The following ERC2 variants were observed in gnomAD, a reference collection of about 807,000 sequenced individuals.
ERC2 encodes the protein ERC protein 2.
ERC2 carries 42 observed loss-of-function variants against 114.8 expected under a neutral mutation model. The observed-to-expected ratio is 0.37, with a 90% confidence interval of 0.29 to 0.47. The LOEUF (loss-of-function observed/expected upper bound fraction) is 0.47, where lower values mean the gene tolerates loss of function less well. Among genes scored for constraint, ERC2 ranks in the 20% least tolerant of loss-of-function variants. The pLI is 0.99. For synonymous variants in ERC2, 454 were observed against 425.5 expected (o/e 1.07, Z -0.82); for missense variants, 939 against 1,150.7 (o/e 0.82, Z 2.66).
intron 10 of ERC2, among the ~76,000 whole-genome samples, chr3:56,006,686 A>C (rs1285662288): frequency 6.6e-6 from 1 of 152,112 alleles, no homozygotes; most frequent in African/African-American, 2.4e-5. Flanking sequence ...ATTTTGATCA[A>C]ATATAAATAG....
chr3:55,780,330 A>C (rs1239157629), intron 14 of ERC2, among the ~76,000 whole-genome samples: 2 of 152,206 alleles, frequency 1.3e-5, no homozygotes, highest in African/African-American at 4.8e-5. Flanking sequence ...GAGTCAACTA[A>C]AAAACTACTT....
rs377614547 is a variant in ERC2 at position 55,699,339 on chromosome 3, G to T, written c.2847+39C>A. 6 of 1,611,556 alleles carry T rather than the reference G, an allele frequency of 3.7e-6. No individual in the cohort carries two copies. The African/African-American group carries it at 5.3e-5, about 14-fold the overall frequency. On this transcript the variant is annotated intron_variant, in intron 16 of 17. Coordinates refer to ENST00000288221, the MANE Select transcript of ERC2 (RefSeq NM_015576.3). Reference sequence around the variant, plus strand: ...TATTTTATCTTAAAATATCTAAAGGGTAAAAGGGGTCTTGGAGGTAAGCAG... The same window carrying T: ...TATTTTATCTTAAAATATCTAAAGGTTAAAAGGGGTCTTGGAGGTAAGCAG...
intron 14 of ERC2, among the ~76,000 whole-genome samples, chr3:55,870,995 A>T (rs2149282286): frequency 6.6e-6 from 1 of 152,290 alleles, no homozygotes; most frequent in East Asian, 1.9e-4. Flanking sequence ...TCCTCTCTAG[A>T]GCAAACAGAT....
intron 3 of ERC2, among the ~76,000 whole-genome samples, chr3:56,263,736 A>G (rs4974129): frequency 0.68 from 103,105 of 152,036 alleles, 36,190 homozygotes; most frequent in Non-Finnish European, 0.76. Context: ...AAACATTAAA[A>G]AAAGAATTAA....
chr3:55,713,264 G>A (rs1466860968), intron 15 of ERC2, among the ~76,000 whole-genome samples: 2 of 151,892 alleles, frequency 1.3e-5, no homozygotes, highest in Non-Finnish European at 2.9e-5. Flanking sequence ...AGGCTGGAGT[G>A]CAATGGGGCA....
intron 2 of ERC2, among the ~76,000 whole-genome samples, chr3:56,347,576 T>C (rs574365880): frequency 7.1e-4 from 108 of 152,162 alleles, no homozygotes; most frequent in Non-Finnish European, 1.1e-3. Flanking sequence ...ACCAGCCTCA[T>C]TGTGTTGCCT....
At chr3:55,958,228 A>G (rs1013680532) in intron 12 of ERC2, among the ~76,000 whole-genome samples, 3 of 152,084 alleles carry the variant, frequency 2.0e-5, no homozygotes, top group Admixed American at 2.0e-4. Context: ...GGTAGCTCCT[A>G]TCCACAGGCA....
At chr3:56,122,729 T>C (rs1041486670) in intron 6 of ERC2, among the ~76,000 whole-genome samples, 1 of 152,112 alleles carries the variant, frequency 6.6e-6, no homozygotes, top group African/African-American at 2.4e-5. Flanking sequence ...CTTTCTAATT[T>C]ACCAGAGCAA....
chr3:55,859,104 T>C (rs959783590), intron 14 of ERC2, among the ~76,000 whole-genome samples: 3 of 152,086 alleles, frequency 2.0e-5, no homozygotes, highest in African/African-American at 7.2e-5. Flanking sequence ...CCCTCTCCAA[T>C]AGCGTCCAGC....
At chr3:55,963,613 T>C (rs2068543164) in intron 12 of ERC2, among the ~76,000 whole-genome samples, 1 of 152,182 alleles carries the variant, frequency 6.6e-6, no homozygotes, top group Admixed American at 6.5e-5. Flanking sequence ...ATTAAAAAAA[T>C]GGAATCTGAA....
intron 8 of ERC2, among the ~76,000 whole-genome samples, chr3:56,012,957 C>T (rs1055438762): frequency 2.6e-5 from 4 of 152,310 alleles, no homozygotes; most frequent in Non-Finnish European, 5.9e-5. Flanking sequence ...TCTATTTGTG[C>T]TTTATCACAG....
At chr3:55,671,596 C>T (rs1380120616) in intron 17 of ERC2, among the ~76,000 whole-genome samples, 5 of 152,166 alleles carry the variant, frequency 3.3e-5, no homozygotes, top group Non-Finnish European at 5.9e-5. Context: ...GCCCATTAAG[C>T]TCCACATAAG....
chr3:56,326,150 G>C (rs796725463), intron 2 of ERC2, among the ~76,000 whole-genome samples: 3 of 152,322 alleles, frequency 2.0e-5, no homozygotes, highest in African/African-American at 7.2e-5. Flanking sequence ...AAACTGAGAG[G>C]CTGAGCCAGG....
chr3:56,017,573 G>A (rs912557291), intron 8 of ERC2, among the ~76,000 whole-genome samples: 3 of 151,924 alleles, frequency 2.0e-5, no homozygotes, highest in African/African-American at 7.3e-5. Flanking sequence ...CCTCTGCCAG[G>A]GCTTTCTCCC....
intron 13 of ERC2, among the ~76,000 whole-genome samples, chr3:55,889,894 A>T (rs2063526405): frequency 6.6e-6 from 1 of 152,228 alleles, no homozygotes; most frequent in Admixed American, 6.5e-5. Context: ...ATTCAGAATA[A>T]GCATTATAGT....
intron 1 of ERC2, among the ~76,000 whole-genome samples, chr3:56,450,968 C>T (rs2062804553): frequency 2.0e-5 from 3 of 152,106 alleles, no homozygotes; most frequent in South Asian, 2.1e-4. Flanking sequence ...CATTATTCAT[C>T]GCCCCATAAA....
At chr3:55,667,553 T>C (rs2061401911) in intron 17 of ERC2, among the ~76,000 whole-genome samples, 1 of 152,210 alleles carries the variant, frequency 6.6e-6, no homozygotes, top group Non-Finnish European at 1.5e-5. Context: ...ATGCTGCAGC[T>C]AAGATTGCCA....
At chr3:55,658,879 C>T (rs1322028403) in intron 17 of ERC2, 2 of 152,714 alleles carry the variant, frequency 1.3e-5, no homozygotes, top group Admixed American at 6.5e-5. Context: ...CGTGACAGGA[C>T]ATGTCAAGGC....
chr3:55,736,784 G>T lies in ERC2; in HGVS notation c.2565-1866C>A, dbSNP rs142588349. ...GCTTCCTGCTTAACCTACAGTCATC[G>T]CTTATTCAAAAAGTTTTAAAGTTGC... On this transcript the variant is annotated intron_variant, in intron 14 of 17. Transcript: ENST00000288221. Among the ~76,000 whole-genome samples the T allele has an allele frequency of 6.1e-3, 931 of 152,196 alleles. 10 individuals carry two copies. Among genetic ancestry groups the T allele is most frequent in the African/African-American group, 0.021 (879 of 41,510 alleles).
Sources: gnomAD v4.1 joint callset for allele counts (sites outside exome capture counted in the v4.1 genomes callset) on GRCh38, gnomAD v4.1.1 for gene constraint, MANE v1.5 for transcripts, NCBI Gene and HGNC (gene_info 2026-07-23, HGNC 2026-07-21) for gene names.